CCNT2: variants seen among roughly 807,000 people sequenced by gnomAD.
CCNT2 encodes cyclin T2, also known as cyclin-T2.
Under a neutral mutation model 70.0 loss-of-function variants are expected in CCNT2, and 18 were observed. That is an observed-to-expected ratio of 0.26 (90% CI 0.18 to 0.38). The LOEUF (loss-of-function observed/expected upper bound fraction) is 0.38, where lower values mean the gene tolerates loss of function less well. CCNT2 is among the 10% of genes least tolerant of loss of function. The pLI, the probability that CCNT2 is intolerant of heterozygous loss-of-function variation, is 1.00. For missense variants in CCNT2, 734 were observed against 890.2 expected, an observed-to-expected ratio of 0.82 and a Z score of 2.23; for synonymous variants, 334 against 313.3, an observed-to-expected ratio of 1.07 and a Z score of -0.70.
intron 6 of CCNT2, among the ~76,000 whole-genome samples, chr2:134,947,111 A>G (rs1682039793): frequency 6.6e-6 from 1 of 152,224 alleles, no homozygotes; most frequent in African/African-American, 2.4e-5. Context: ...TTTGGCATAT[A>G]GTGGAAGGAG....
Position 134,936,983 on chromosome 2 carries a change from G to T in CCNT2, c.369+14G>T. On this transcript the variant is annotated intron_variant, in intron 3 of 8. Transcript: ENST00000264157. ...ACTAAATGTGATGTATGTAAATACT[G>T]GGTTTTTTATTTTTCTTTGTAAATT... 1 of 1,576,574 alleles carries T rather than the reference G, an allele frequency of 6.3e-7. No homozygotes were observed. Among genetic ancestry groups the T allele is most frequent in the South Asian group, 1.2e-5 (1 of 85,800 alleles).
rs1408967588 is a variant in CCNT2 at position 134,958,270 on chromosome 2, A to C, written c.*3622A>C. ...TTCCAATTTTATCCAAATGAAAAGC[A>C]TATCTGCTTAAATTTAGGATGTCTT... is the stretch of plus-strand genomic sequence containing the variant. On this transcript the variant is annotated 3_prime_UTR_variant, in exon 9 of 9. Transcript: ENST00000264157. 6.6e-6 allele frequency: 1 copy of C among 152,226 alleles called. No individual in the cohort carries two copies. 9.4% of individuals were successfully genotyped at this position (152,226 alleles called of 1,614,324 possible).
chr2:134,922,676 A>G (rs1054667336), intron 2 of CCNT2, among the ~76,000 whole-genome samples: 12 of 152,244 alleles, frequency 7.9e-5, no homozygotes, highest in African/African-American at 2.9e-4. Flanking sequence ...CCCTGGAGCC[A>G]AAAGTGATGC....
chr2:134,954,942 A>G lies in CCNT2; in HGVS notation c.*294A>G, dbSNP rs1262529818. ...ATGGCTGGCTGCTTCTAGGAATATAAGATGCCTCAAGCATTCATTATTTAT... is the reference window on the plus strand; with the variant it reads ...ATGGCTGGCTGCTTCTAGGAATATAGGATGCCTCAAGCATTCATTATTTAT... On this transcript the variant is annotated 3_prime_UTR_variant, in exon 9 of 9. Transcript: ENST00000264157. 3.4e-6 allele frequency: 1 copy of G among 292,236 alleles called. No homozygotes were observed. Among genetic ancestry groups the G allele is most frequent in the Non-Finnish European group, 6.4e-6 (1 of 155,774 alleles). 18.1% of individuals were successfully genotyped at this position (292,236 alleles called of 1,614,324 possible).
chr2:134,949,804 G>GC (rs949161975), intron 7 of CCNT2, among the ~76,000 whole-genome samples: 4 of 137,612 alleles, frequency 2.9e-5, no homozygotes, highest in Admixed American at 1.4e-4. Context: ...TTTTTTTTCG[G>GC]GGGGGGGGTG....
chr2:134,933,365 T>C (rs529590129), intron 2 of CCNT2, among the ~76,000 whole-genome samples: 44 of 152,320 alleles, frequency 2.9e-4, no homozygotes, highest in African/African-American at 1.1e-3. Context: ...TTACCCAGAC[T>C]TTTTGTTAAC....
At chr2:134,930,848 A>T (rs75913822) in intron 2 of CCNT2, among the ~76,000 whole-genome samples, 13 of 152,000 alleles carry the variant, frequency 8.6e-5, no homozygotes, top group African/African-American at 3.1e-4. Context: ...CCTTTACCTA[A>T]ACTAGAGTCA....
intron 2 of CCNT2, among the ~76,000 whole-genome samples, chr2:134,929,840 A>T (rs2105030050): frequency 6.6e-6 from 1 of 151,682 alleles, no homozygotes. Context: ...TAGTAATGGC[A>T]GGGTTTTACC....
chr2:134,946,680 TC>T (rs1386334905), intron 6 of CCNT2, among the ~76,000 whole-genome samples: 3 of 136,394 alleles, frequency 2.2e-5, no homozygotes, highest in African/African-American at 8.6e-5. Context: ...ACACAATTTT[TC>T]CTTTTTTTTT....
At chr2:134,932,513 T>G (rs1680854878) in intron 2 of CCNT2, among the ~76,000 whole-genome samples, 1 of 152,240 alleles carries the variant, frequency 6.6e-6, no homozygotes, top group Non-Finnish European at 1.5e-5. Flanking sequence ...AGCTTTCTTT[T>G]AAATGTAATT....
At chr2:134,948,541 A>G (rs573472618) in intron 7 of CCNT2, among the ~76,000 whole-genome samples, 1 of 152,224 alleles carries the variant, frequency 6.6e-6, no homozygotes, top group East Asian at 1.9e-4. Context: ...TTAAATATGA[A>G]TACACAAGGA....
At chr2:134,952,375 G>GA (rs201217506) in intron 7 of CCNT2, among the ~76,000 whole-genome samples, 8,792 of 151,478 alleles carry the variant, frequency 0.058, 393 homozygotes, top group African/African-American at 0.13. Flanking sequence ...TTTTATTGGG[G>GA]GGGTGATTAT....
At chr2:134,920,165 A>C in intron 2 of CCNT2, 1 of 284,666 alleles carries the variant, frequency 3.5e-6, no homozygotes, top group Non-Finnish European at 6.6e-6. Flanking sequence ...GGTTTTCTTC[A>C]TTTAAATTCT....
rs551582745 is a variant in CCNT2 at position 134,948,093 on chromosome 2, G to A, written c.703+194G>A. 1.1e-3 allele frequency among the ~76,000 whole-genome samples: 160 copies of A among 152,244 alleles called. 1 individual carries two copies. Among genetic ancestry groups the A allele is most frequent in the African/African-American group, 3.8e-3 (159 of 41,530 alleles). On this transcript the variant is annotated intron_variant, in intron 7 of 8. Coordinates refer to ENST00000264157, the MANE Select transcript of CCNT2 (RefSeq NM_058241.3). Reference sequence around the variant, plus strand: ...CCAGCACTGTAGGAGGCTGAGGCAGGAGGATCACTTGAGCCCAGGAGTTCA... The same window carrying A: ...CCAGCACTGTAGGAGGCTGAGGCAGAAGGATCACTTGAGCCCAGGAGTTCA...
intron 2 of CCNT2, among the ~76,000 whole-genome samples, chr2:134,925,124 G>T (rs190585584): frequency 9.7e-4 from 147 of 152,292 alleles, no homozygotes; most frequent in African/African-American, 3.4e-3. Context: ...CTAAAGTCTG[G>T]TTGTCTCTCT....
In CCNT2 at chr2:134,953,947, A is replaced by G; in HGVS notation, c.1492A>G (p.Lys498Glu). 1 of 1,614,064 alleles carries G rather than the reference A, an allele frequency of 6.2e-7. No homozygotes were observed. The highest frequency in any genetic ancestry group is 8.5e-7 in the Non-Finnish European group (1 of 1,179,922). ...AAATACTGAAAAATACATGGCAGAC[A>G]AAAAGGAAAAGAGTGGGTCACTGAA... ...IANTEKYMADKKEKSGSLKLR... is the reference protein window; with the variant it reads ...IANTEKYMADEKEKSGSLKLR... The change falls in exon 9 of 9, where the codon AAA (lysine) becomes GAA (glutamate). Residue 498 changes from lysine (K) to glutamate (E), a missense_variant. Lys to Glu is a moderately conservative substitution (Grantham distance 56). Coordinates refer to ENST00000264157, the MANE Select transcript of CCNT2 (RefSeq NM_058241.3).
chr2:134,935,766 G>A (rs1193775313), intron 2 of CCNT2, among the ~76,000 whole-genome samples: 1 of 151,722 alleles, frequency 6.6e-6, no homozygotes, highest in Admixed American at 6.6e-5. Flanking sequence ...TGTAGTGCTT[G>A]TGTTCTTATA....
At chr2:134,943,722 ATGT>A (rs1359539016) in intron 5 of CCNT2, 4 of 985,038 alleles carry the variant, frequency 4.1e-6, no homozygotes, top group South Asian at 4.7e-5. Flanking sequence ...ACACAGTTGC[ATGT>A]TGTTCTGCTT....
chr2:134,954,312 G>A lies in CCNT2; in HGVS notation c.1857G>A (p.Lys619=). 1.2e-6 allele frequency: 2 copies of A among 1,614,212 alleles called. No individual in the cohort carries two copies. The highest frequency in any genetic ancestry group is 1.1e-5 in the South Asian group (1 of 91,088). ...GISSSSSSSR[K]RLHVNDASHN... is the part of the protein sequence containing the mutation. ...CCTCTAGCTCCAGCTCTTCAAGGAA[G>A]AGGCTGCATGTCAATGATGCATCTC... Residue 619 remains lysine (K), a synonymous_variant, in exon 9 of 9, where the codon AAG becomes AAA. Transcript: ENST00000264157.
Sources: gnomAD v4.1 joint callset for allele counts (sites outside exome capture counted in the v4.1 genomes callset) on GRCh38, gnomAD v4.1.1 for gene constraint, MANE v1.5 for transcripts, NCBI Gene and HGNC (gene_info 2026-07-23, HGNC 2026-07-21) for gene names.